Variants in GRAMD2A observed in about 807,000 individuals in gnomAD.
The protein encoded by GRAMD2A is GRAM domain-containing protein 2A.
In GRAMD2A, 37 loss-of-function variants were observed where a neutral mutation model predicts 51.1. The ratio of observed to expected loss-of-function variants is 0.72; its 90% CI spans 0.56 to 0.95. The LOEUF is 0.95. GRAMD2A is among the 40% of genes least tolerant of loss of function. GRAMD2A has a pLI of 0.00. For missense variants in GRAMD2A, 414 were observed against 426.9 expected (o/e 0.97, Z 0.27); for synonymous variants, 136 against 157.1 (o/e 0.87, Z 1.01).
At position 72,163,249 on chromosome 15, in the gene GRAMD2A, C is replaced by T; in HGVS notation, c.956+17G>A. On this transcript the variant is annotated intron_variant, in intron 10 of 11. Transcript: ENST00000309731. ...CATGCAGGTGGGTCTGTCCCCCTCCCCAGTATAGTCACTTACAGCACAAAG... is the reference window on the plus strand; with the variant it reads ...CATGCAGGTGGGTCTGTCCCCCTCCTCAGTATAGTCACTTACAGCACAAAG... 1.3e-6 allele frequency: 2 copies of T among 1,593,210 alleles called. No individual in the cohort carries two copies. The highest frequency in any genetic ancestry group is 1.7e-6 in the Non-Finnish European group (2 of 1,161,018).
chr15:72,192,671 G>A (rs2081776647), intron 1 of GRAMD2A, among the ~76,000 whole-genome samples: 1 of 152,220 alleles, frequency 6.6e-6, no homozygotes, highest in African/African-American at 2.4e-5. Context: ...ATGTACAGAT[G>A]TTAGGAGGAA....
At chr15:72,183,217 C>G (rs1421487096) in intron 1 of GRAMD2A, among the ~76,000 whole-genome samples, 1 of 149,674 alleles carries the variant, frequency 6.7e-6, no homozygotes, top group Non-Finnish European at 1.5e-5. Context: ...CAATTTAAAA[C>G]TGTTCTAAAA....
intron 1 of GRAMD2A, among the ~76,000 whole-genome samples, chr15:72,194,563 AG>A (rs1323140160): frequency 6.6e-6 from 1 of 152,180 alleles, no homozygotes; most frequent in Non-Finnish European, 1.5e-5. Context: ...TTCATGGTGG[AG>A]ATAGTAGGCA....
chr15:72,187,025 G>T (rs1212185894), intron 1 of GRAMD2A, among the ~76,000 whole-genome samples: 1 of 151,780 alleles, frequency 6.6e-6, no homozygotes. Context: ...GCTGGGTGTG[G>T]TGGTAGGCTC....
chr15:72,183,194 T>A (rs2081709353), intron 1 of GRAMD2A, among the ~76,000 whole-genome samples: 1 of 151,880 alleles, frequency 6.6e-6, no homozygotes, highest in South Asian at 2.1e-4. Context: ...GTTGTTTTTT[T>A]TTTTCTTAAC....
At chr15:72,180,268 T>C (rs1455164310) in intron 1 of GRAMD2A, among the ~76,000 whole-genome samples, 1 of 152,230 alleles carries the variant, frequency 6.6e-6, no homozygotes, top group East Asian at 1.9e-4. Flanking sequence ...CGTCCCATCA[T>C]GCCCGCTGCT....
chr15:72,163,809 G>A (rs1239627123), intron 8 of GRAMD2A, 52 bp from the exon 9 acceptor site: 1 of 1,562,054 alleles, frequency 6.4e-7, no homozygotes. Context: ...GATCTCACTT[G>A]CCCTAAGGAG....
At chr15:72,162,962 T>G (rs1006658684) in intron 10 of GRAMD2A, 7 of 332,404 alleles carry the variant, frequency 2.1e-5, no homozygotes, top group Non-Finnish European at 3.9e-5. Flanking sequence ...CCTCTCTCTC[T>G]CCAATTTTCC....
intron 1 of GRAMD2A, among the ~76,000 whole-genome samples, chr15:72,177,684 A>G (rs77757863): frequency 0.016 from 2,422 of 152,324 alleles, 80 homozygotes; most frequent in African/African-American, 0.056. Flanking sequence ...GTGGGTAAAC[A>G]CTTAGGATTA....
In GRAMD2A at chr15:72,162,342, G is replaced by A. The variant is rs752466619; in HGVS notation, c.992C>T (p.Ala331Val). 1.9e-5 allele frequency: 30 copies of A among 1,613,914 alleles called. No individual in the cohort carries two copies. The highest frequency in any genetic ancestry group is 4.4e-5 in the South Asian group (4 of 91,074). ...CFLVMSSSYL[A>V]FRISRLEQQL... ...CTGCTCTAGCCGAGAAATACGGAACGCCAGGTAGGATGAGGACATGACCAG... is the reference window on the plus strand; with the variant it reads ...CTGCTCTAGCCGAGAAATACGGAACACCAGGTAGGATGAGGACATGACCAG... Residue 331 changes from alanine to valine, a missense_variant, in exon 11 of 12, where the codon GCG becomes GTG. Physicochemically the swap from Ala to Val is moderately conservative, Grantham distance 64 (BLOSUM62 0). Coordinates refer to ENST00000309731, the MANE Select transcript of GRAMD2A (RefSeq NM_001012642.3).
chr15:72,165,581 G>A (rs559956213), intron 7 of GRAMD2A, among the ~76,000 whole-genome samples, 171 bp from the exon 8 acceptor site: 9 of 152,312 alleles, frequency 5.9e-5, no homozygotes, highest in Admixed American at 2.0e-4. Flanking sequence ...TGCTGGAGCA[G>A]AGAGGCAAAC....
chr15:72,164,593 CAG>C (rs1204244636), intron 8 of GRAMD2A, among the ~76,000 whole-genome samples: 1 of 151,972 alleles, frequency 6.6e-6, no homozygotes. Context: ...TTTATTGAGA[CAG>C]GGTCTCACTA....
chr15:72,161,590 A>C lies in GRAMD2A; in HGVS notation c.*419T>G, dbSNP rs2081476331. 4.1e-6 allele frequency: 1 copy of C among 242,368 alleles called. No homozygotes were observed. The allele number at this position is 242,368 out of a possible 1,614,324, so 15.0% of individuals were successfully genotyped here. On this transcript the variant is annotated 3_prime_UTR_variant, in exon 12 of 12. Coordinates refer to ENST00000309731, the MANE Select transcript of GRAMD2A (RefSeq NM_001012642.3). Reference sequence around the variant, plus strand: ...TTCTGACCTCTGACCCCACCATAGGAGTGAGCTGTGTGGCAGAGCCACATT... The same window carrying C: ...TTCTGACCTCTGACCCCACCATAGGCGTGAGCTGTGTGGCAGAGCCACATT...
intron 1 of GRAMD2A, among the ~76,000 whole-genome samples, chr15:72,177,340 G>A (rs756310118): frequency 7.2e-5 from 11 of 152,152 alleles, no homozygotes; most frequent in Non-Finnish European, 1.5e-4. Context: ...TTTCACAAAC[G>A]AGTACACACC....
rs1288615160 is a variant in GRAMD2A, at chr15:72,166,651, C to A, written c.524G>T (p.Arg175Ile). 2 of 1,613,892 alleles carry A rather than the reference C, an allele frequency of 1.2e-6. No homozygotes were observed. The highest frequency in any genetic ancestry group is 3.3e-5 in the Admixed American group (2 of 60,030). ...SRDSVYDLLR[R>I]VCTHLQPSSK... ...CCATACCTGTAGGTGGGTGCAGACT[C>A]TCCTCAGCAGGTCATATACACTGTC... The change falls in exon 7 of 12, where the codon AGA (arginine) becomes ATA (isoleucine). Residue 175 changes from arginine (R) to isoleucine (I), a missense_variant. Arg to Ile is a moderately conservative substitution (Grantham distance 97, BLOSUM62 -3). Coordinates refer to ENST00000309731, the MANE Select transcript of GRAMD2A (RefSeq NM_001012642.3). The surrounding 1 kb of genome is among the most constrained non-coding windows in gnomAD (Gnocchi z 4.1).
At chr15:72,180,889 G>A (rs896824212) in intron 1 of GRAMD2A, among the ~76,000 whole-genome samples, 1 of 152,212 alleles carries the variant, frequency 6.6e-6, no homozygotes, top group Admixed American at 6.5e-5. Context: ...TGTATAAACT[G>A]CAGATGGCCA....
At position 72,170,534 on chromosome 15, in the gene GRAMD2A, T is replaced by C. The variant is rs562251254; in HGVS notation, c.42-595A>G. On this transcript the variant is annotated intron_variant, in intron 1 of 11. Coordinates refer to ENST00000309731, the MANE Select transcript of GRAMD2A (RefSeq NM_001012642.3). This position sits in a 1 kb window ranked among gnomAD's most constrained non-coding sequence, Gnocchi z 4.5. ...AGCCACCTTGGACAGTCAGGACAGCTTGATGATGAGAGCCAAACCATCTCA... is the reference window on the plus strand; with the variant it reads ...AGCCACCTTGGACAGTCAGGACAGCCTGATGATGAGAGCCAAACCATCTCA... Among the ~76,000 whole-genome samples, 18 of 152,216 alleles carry C rather than the reference T, an allele frequency of 1.2e-4. No homozygotes were observed. The highest frequency in any genetic ancestry group is 3.4e-3 in the Middle Eastern group (1 of 294).
chr15:72,174,961 C>A (rs767210752), intron 1 of GRAMD2A, among the ~76,000 whole-genome samples: 1 of 152,144 alleles, frequency 6.6e-6, no homozygotes, highest in Non-Finnish European at 1.5e-5. Context: ...ACTCCCAAGT[C>A]TACCTCTGTA....
exon 1 of GRAMD2A, chr15:72,197,784 ACCCAGCGCCCCGACCGCGCG>A: frequency 1.6e-6 from 2 of 1,271,078 alleles, no homozygotes; most frequent in East Asian, 7.1e-5. Context: ...CGGCGCCTGC[ACCCAGCGCCCCGACCGCGCG>A]CCGGGACCCA....
Sources: allele counts gnomAD v4.1 joint callset (sites outside exome capture counted in the v4.1 genomes callset), GRCh38; gene constraint gnomAD v4.1.1; non-coding constraint Gnocchi (gnomAD v3.1); transcripts MANE v1.5; gene names NCBI Gene and HGNC (gene_info 2026-07-23, HGNC 2026-07-21).